The following PUDP variants were observed in gnomAD, a reference collection of about 807,000 sequenced individuals.
PUDP encodes the protein pseudouridine 5'-phosphatase.
In PUDP, 8 loss-of-function variants were observed where a neutral mutation model predicts 9.4. The ratio of observed to expected loss-of-function variants is 0.85; its 90% confidence interval spans 0.50 to 1.53. PUDP has a LOEUF of 1.53. PUDP is among the 40% of genes most tolerant of loss of function. The probability of loss-of-function intolerance (pLI) is 0.00; values close to 1 mark genes in which losing one functional copy is unlikely to be tolerated. For synonymous variants in PUDP, 99 were observed against 80.7 expected (o/e 1.23, Z -1.22); for missense variants, 188 against 189.7 (o/e 0.99, Z 0.05).
At chrX:6,720,287 T>TATATATATATATATATAC (rs1162322257) in intron 1 of PUDP, among the ~76,000 whole-genome samples, 2 of 83,139 alleles carry the variant, frequency 2.4e-5, no homozygotes, top group East Asian at 3.7e-4. Flanking sequence ...TATATATATA[T>TATATATATATATATATAC]ACACACACAC....
intron 3 of PUDP, among the ~76,000 whole-genome samples, chrX:6,937,083 TC>T (rs1294768832): frequency 9.5e-6 from 1 of 104,874 alleles, no homozygotes; most frequent in Non-Finnish European, 2.0e-5. Flanking sequence ...TTCAATGCCA[TC>T]CCCATCAAGC....
At chrX:6,802,161 T>C (rs1410577726) in intron 3 of PUDP, among the ~76,000 whole-genome samples, 1 of 111,865 alleles carries the variant, frequency 8.9e-6, no homozygotes, top group Non-Finnish European at 1.9e-5. Flanking sequence ...GCTTCTACTA[T>C]CTGACTTGAG....
intron 3 of PUDP, among the ~76,000 whole-genome samples, chrX:6,801,850 C>T (rs1004419720): frequency 2.7e-5 from 3 of 111,963 alleles, no homozygotes; most frequent in East Asian, 5.6e-4. Flanking sequence ...GTGGTAAATT[C>T]GGCTTCAAAG....
intron 3 of PUDP, among the ~76,000 whole-genome samples, chrX:6,962,003 G>A (rs1928715397): frequency 8.9e-6 from 1 of 112,181 alleles, no homozygotes; most frequent in Non-Finnish European, 1.9e-5. Context: ...CATTTTAAGG[G>A]TACTCTACAA....
intron 3 of PUDP, among the ~76,000 whole-genome samples, chrX:6,891,833 C>T (rs2146746386): frequency 8.9e-6 from 1 of 112,032 alleles, no homozygotes; most frequent in African/African-American, 3.2e-5. Context: ...TTCCCTTATC[C>T]CCATACTCTC....
At chrX:7,036,272 TTTG>T (rs1929851816) in intron 1 of PUDP, among the ~76,000 whole-genome samples, 1 of 112,361 alleles carries the variant, frequency 8.9e-6, no homozygotes, top group Non-Finnish European at 1.9e-5. Context: ...CTCCTAGGTT[TTTG>T]TTTTTTTTGA....
At chrX:6,780,027 G>T (rs1188741976) in intron 3 of PUDP, among the ~76,000 whole-genome samples, 3 of 110,509 alleles carry the variant, frequency 2.7e-5, no homozygotes, top group Non-Finnish European at 5.7e-5. Context: ...CCATTAAAAA[G>T]AAACAAATAT....
intron 3 of PUDP, among the ~76,000 whole-genome samples, chrX:7,053,408 C>T (rs1290243235): frequency 9.0e-6 from 1 of 111,429 alleles, no homozygotes; most frequent in Non-Finnish European, 1.9e-5. Flanking sequence ...AAATGTAGCT[C>T]CCAGAATCCC....
chrX:6,870,133 C>T (rs1314605555), intron 3 of PUDP, among the ~76,000 whole-genome samples: 2 of 111,249 alleles, frequency 1.8e-5, no homozygotes, highest in African/African-American at 6.5e-5. Flanking sequence ...ACCAGGAGGA[C>T]ATCATGCTTA....
intron 3 of PUDP, among the ~76,000 whole-genome samples, chrX:6,820,414 T>C (rs1385904259): frequency 9.0e-6 from 1 of 111,193 alleles, no homozygotes; most frequent in African/African-American, 3.3e-5. Context: ...AAGTCTTAAT[T>C]CATTTCAGCA....
intron 3 of PUDP, among the ~76,000 whole-genome samples, chrX:6,799,139 T>C (rs940615920): frequency 8.9e-6 from 1 of 112,283 alleles, no homozygotes; most frequent in Admixed American, 9.4e-5. Context: ...AGATATGATA[T>C]GTGGTTAACT....
Position 6,981,148 on chromosome X carries a change from G to A in PUDP, c.205-2805C>T, listed in dbSNP as rs1036401774. 2.7e-5 allele frequency among the ~76,000 whole-genome samples: 3 copies of A among 111,858 alleles called. No individual in the cohort carries two copies. In the Admixed American group the frequency reaches 2.9e-4, roughly 11 times the overall value. On this transcript the variant is annotated intron_variant and NMD_transcript_variant, in intron 1 of 3. Coordinates refer to the PUDP transcript ENST00000655425. ...ATTCAAATCTTCACCCAAATCCTAT[G>A]TGGCGCAGAAATATTGATGGATAAG...
At chrX:7,137,378 T>TA (rs541105641) in intron 1 of PUDP, among the ~76,000 whole-genome samples, 402 of 100,819 alleles carry the variant, frequency 4.0e-3, no homozygotes, top group Non-Finnish European at 6.1e-3. Flanking sequence ...CTGTCTCTAC[T>TA]AAAAAAAAAA....
intron 3 of PUDP, among the ~76,000 whole-genome samples, chrX:6,818,814 T>G (rs1009748340): frequency 8.9e-6 from 1 of 112,233 alleles, no homozygotes; most frequent in Non-Finnish European, 1.9e-5. Context: ...TTTATACAGA[T>G]TTGAGTATAC....
intron 3 of PUDP, among the ~76,000 whole-genome samples, chrX:6,964,872 C>G (rs1421525406): frequency 3.6e-5 from 4 of 111,108 alleles, no homozygotes; most frequent in African/African-American, 1.3e-4. Flanking sequence ...GATAATAACA[C>G]CTTTCCTAAG....
intron 2 of PUDP, chrX:6,706,197 A>G (rs1252541527): frequency 8.9e-6 from 1 of 112,476 alleles, no homozygotes; most frequent in Non-Finnish European, 1.9e-5. Context: ...AGTGATGAGG[A>G]GTTATTGCTG....
At chrX:6,851,815 C>T (rs1194228359) in intron 3 of PUDP, among the ~76,000 whole-genome samples, 3 of 111,361 alleles carry the variant, frequency 2.7e-5, no homozygotes, top group Non-Finnish European at 5.6e-5. Flanking sequence ...TCTTGCTCCA[C>T]TCCCAATAGC....
At chrX:6,776,057 A>ACATTCTCTTTAC (rs1925454026) in intron 3 of PUDP, among the ~76,000 whole-genome samples, 1 of 112,086 alleles carries the variant, frequency 8.9e-6, no homozygotes, top group Non-Finnish European at 1.9e-5. Flanking sequence ...TTCTCACTGG[A>ACATTCTCTTTAC]GAACGTCACT....
intron 3 of PUDP, among the ~76,000 whole-genome samples, chrX:6,921,865 C>A (rs1928028562): frequency 9.0e-6 from 1 of 111,376 alleles, no homozygotes; most frequent in Non-Finnish European, 1.9e-5. Flanking sequence ...CTGACCTATG[C>A]CCTCAATTCT....
Sources: gnomAD v4.1 joint callset for allele counts (sites outside exome capture counted in the v4.1 genomes callset) on GRCh38, gnomAD v4.1.1 for gene constraint, MANE v1.5 for transcripts, NCBI Gene and HGNC (gene_info 2026-07-23, HGNC 2026-07-21) for gene names.